Variants in CDC42BPB observed in about 807,000 individuals in gnomAD.
The protein encoded by CDC42BPB is CDC42 binding protein kinase beta.
CDC42BPB carries 37 observed loss-of-function variants against 214.9 expected under a neutral mutation model. The observed-to-expected ratio is 0.17, with a 90% confidence interval of 0.13 to 0.23. The LOEUF is 0.23. Among genes scored for constraint, CDC42BPB ranks in the 10% least tolerant of loss-of-function variants. The pLI is 1.00. For missense variants in CDC42BPB, 1,694 were observed against 2,227.0 expected (o/e 0.76, Z 4.82); for synonymous variants, 931 against 884.0 (o/e 1.05, Z -0.94).
rs144313805 is a variant in CDC42BPB, at chr14:102,974,050, C to T, written c.1607G>A (p.Arg536His). Residue 536 changes from arginine (R) to histidine (H), a missense_variant, in exon 12 of 37, where the codon CGC becomes CAC. Physicochemically the swap from Arg to His is conservative, Grantham distance 29 (BLOSUM62 0). Around this residue, in one of 7 missense-constraint regions of CDC42BPB, gnomAD observed 462 missense variants for 513.5 expected, o/e 0.90. Coordinates refer to ENST00000361246, the MANE Select transcript of CDC42BPB (RefSeq NM_006035.4). ...CTCCTCCTTCTCCTGCCGGACCACGCGGTGCTGCTTCTCCAGCCCCCGCAG... is the reference window on the plus strand; with the variant it reads ...CTCCTCCTTCTCCTGCCGGACCACGTGGTGCTGCTTCTCCAGCCCCCGCAG... ...QRLRGLEKQH[R>H]VVRQEKEELH... 31 of 1,612,956 alleles carry T rather than the reference C, an allele frequency of 1.9e-5. No homozygotes were observed. The highest frequency in any genetic ancestry group is 5.0e-5 in the Admixed American group (3 of 59,640).
intron 12 of CDC42BPB, among the ~76,000 whole-genome samples, chr14:102,973,741 T>C (rs913238077): frequency 6.6e-6 from 1 of 152,062 alleles, no homozygotes; most frequent in Non-Finnish European, 1.5e-5. Context: ...AAGTGGAGAC[T>C]GGAGAGGCTG....
intron 5 of CDC42BPB, among the ~76,000 whole-genome samples, chr14:102,988,010 C>G (rs556523564): frequency 2.6e-5 from 4 of 151,986 alleles, no homozygotes; most frequent in Non-Finnish European, 5.9e-5. Context: ...CAAACACACA[C>G]GCACGCACTA....
chr14:102,946,973 T>C, intron 27 of CDC42BPB: 2 of 468,930 alleles, frequency 4.3e-6, no homozygotes, highest in Non-Finnish European at 5.6e-6. Context: ...ATCTGCTTTC[T>C]TGAATAATCA....
rs143856378 is a variant in CDC42BPB, at chr14:103,009,238, G to A, written c.268-683C>T. Among the ~76,000 whole-genome samples the A allele has an allele frequency of 1.5e-3, 231 of 152,326 alleles. 1 individual carries two copies. The highest frequency in any genetic ancestry group is 6.8e-3 in the Middle Eastern group (2 of 294). Reference sequence around the variant, plus strand: ...TGGCCTGAAGAGGTCTTAAATGGCAGTATCATCTACCTGCCTGTTTCTAAC... The same window carrying A: ...TGGCCTGAAGAGGTCTTAAATGGCAATATCATCTACCTGCCTGTTTCTAAC... On this transcript the variant is annotated intron_variant, in intron 2 of 36. Transcript: ENST00000361246.
At chr14:102,988,855 AAAC>A (rs1195844423) in intron 5 of CDC42BPB, among the ~76,000 whole-genome samples, 1 of 146,946 alleles carries the variant, frequency 6.8e-6, no homozygotes, top group Admixed American at 6.9e-5. Flanking sequence ...AAACAAAACA[AAAC>A]AACCCCCCCT....
chr14:103,053,749 G>C (rs938209437), intron 1 of CDC42BPB, among the ~76,000 whole-genome samples: 3 of 148,268 alleles, frequency 2.0e-5, no homozygotes, highest in Non-Finnish European at 4.5e-5. Context: ...GCGACAGAGT[G>C]AGACTCCGTC....
At chr14:103,008,603 G>A (rs1161319660) in intron 2 of CDC42BPB, 48 bp from the exon 3 acceptor site, 1 of 1,592,044 alleles carries the variant, frequency 6.3e-7, no homozygotes, top group East Asian at 2.2e-5. Flanking sequence ...TTGAACAAAA[G>A]GCTAGCACGC....
chr14:102,946,458 T>C lies in CDC42BPB; in HGVS notation c.3748+10A>G. The stretch of plus-strand genomic sequence containing the variant: ...TCAGACACCTGAAGGACACAACCTT[T>C]GGGACGTACCCACGATGGCAGCTGT... On this transcript the variant is annotated intron_variant, in intron 28 of 36. Transcript: ENST00000361246. 2 of 1,612,432 alleles carry C rather than the reference T, an allele frequency of 1.2e-6. No homozygotes were observed. Among genetic ancestry groups the C allele is most frequent in the South Asian group, 1.1e-5 (1 of 91,050 alleles).
chr14:102,935,066 G>A (rs1258780878), intron 36 of CDC42BPB, among the ~76,000 whole-genome samples: 1 of 151,898 alleles, frequency 6.6e-6, no homozygotes, highest in African/African-American at 2.4e-5. Flanking sequence ...AGGCAAGGAT[G>A]CCTGCTTTCA....
rs574224636 is a variant in CDC42BPB, at chr14:103,047,042, C to G, written c.175+9957G>C. On this transcript the variant is annotated intron_variant, in intron 1 of 36. Coordinates refer to ENST00000361246, the MANE Select transcript of CDC42BPB (RefSeq NM_006035.4). ...GCTCATGCCTATAATCCCAAGCACTCTGGGAGGCCAAGGCGGGTGGATCAC... is the reference window on the plus strand; with the variant it reads ...GCTCATGCCTATAATCCCAAGCACTGTGGGAGGCCAAGGCGGGTGGATCAC... Among the ~76,000 whole-genome samples, 5 of 151,560 alleles carry G rather than the reference C, an allele frequency of 3.3e-5. No individual in the cohort carries two copies. In the East Asian group the frequency reaches 1.0e-3, roughly 30 times the overall value.
In CDC42BPB at chr14:102,980,878, T is replaced by C; in HGVS notation, c.1035A>G (p.Leu345=). The change falls in exon 8 of 37, where the codon CTA becomes CTG. Residue 345 remains leucine (L), a synonymous_variant. Coordinates refer to ENST00000361246, the MANE Select transcript of CDC42BPB (RefSeq NM_006035.4). ...DFKKHAFFEG[L]NWENIRNLEA... is the part of the protein sequence containing the mutation. ...CTAGGTTTCGTATATTTTCCCAATT[T>C]AGACCTTCAAAAAACGCATGCTTTT... is the stretch of plus-strand genomic sequence containing the variant. 1 of 1,614,228 alleles carries C rather than the reference T, an allele frequency of 6.2e-7. No individual in the cohort carries two copies. Among genetic ancestry groups the C allele is most frequent in the South Asian group, 1.1e-5 (1 of 91,084 alleles).
chr14:103,011,569 ACCT>A (rs1886161607), intron 2 of CDC42BPB, among the ~76,000 whole-genome samples: 1 of 151,864 alleles, frequency 6.6e-6, no homozygotes, highest in Non-Finnish European at 1.5e-5. Flanking sequence ...ACATGGCAAA[ACCT>A]CATCTCTACA....
At chr14:102,973,913 T>G in intron 12 of CDC42BPB, 103 bp downstream of exon 12, 1 of 1,389,392 alleles carries the variant, frequency 7.2e-7, no homozygotes, top group South Asian at 1.5e-5. Context: ...GGACAGCCCA[T>G]GGGCAGGAGT....
At chr14:102,985,574 A>G (rs930279980) in intron 6 of CDC42BPB, among the ~76,000 whole-genome samples, 4 of 152,194 alleles carry the variant, frequency 2.6e-5, no homozygotes, top group Non-Finnish European at 5.9e-5. Context: ...AAAACAAGAG[A>G]CTGGCTTTGT....
Position 102,964,487 on chromosome 14 carries a change from C to T in CDC42BPB, c.2726+15G>A, listed in dbSNP as rs1203478590. On this transcript the variant is annotated intron_variant, in intron 19 of 36. Transcript: ENST00000361246. ...CCACTGCTCCTACCTGGAGTCAGAC[C>T]CTGGCACCAAGTACCTTTCCAAGGT... is the stretch of plus-strand genomic sequence containing the variant. 1 of 1,612,676 alleles carries T rather than the reference C, an allele frequency of 6.2e-7. No individual in the cohort carries two copies. Among genetic ancestry groups the T allele is most frequent in the Admixed American group, 1.7e-5 (1 of 59,962 alleles).
chr14:102,966,178 T>C, intron 18 of CDC42BPB, 104 bp downstream of exon 18: 1 of 814,304 alleles, frequency 1.2e-6, no homozygotes, highest in Non-Finnish European at 2.0e-6. Flanking sequence ...AGAAGTCTCT[T>C]GCATCACTGT....
intron 5 of CDC42BPB, among the ~76,000 whole-genome samples, chr14:102,996,103 GCCGAGGCGGGCGGA>G (rs1212307659): frequency 1.3e-5 from 2 of 152,256 alleles, no homozygotes; most frequent in Non-Finnish European, 2.9e-5. Flanking sequence ...ACTTTGGGAG[GCCGAGGCGGGCGGA>G]TCACGAGGTC....
Position 102,987,787 on chromosome 14 carries a change from A to AC in CDC42BPB, c.597-1208_597-1207insG, listed in dbSNP as rs1491240757. ...ACAAAACAAAATCCCACAAACACAC[A>AC]AACACACACACACACACACACACAC... On this transcript the variant is annotated intron_variant, in intron 5 of 36. Transcript: ENST00000361246. Among the ~76,000 whole-genome samples, 1,045 of 116,040 alleles carry AC rather than the reference A, an allele frequency of 9.0e-3. 14 individuals are homozygous for AC. Among genetic ancestry groups the AC allele is most frequent in the African/African-American group, 0.033 (936 of 28,578 alleles). The allele number at this position is 116,040 out of a possible 152,430, so 76.1% of individuals were successfully genotyped here. A position where few individuals can be genotyped will look rare whatever the true frequency, so the allele number is the denominator to read the frequency against.
In CDC42BPB at chr14:102,938,335, T is replaced by C. The variant is rs562948212; in HGVS notation, c.4904A>G (p.Asn1635Ser). 14 of 1,605,674 alleles carry C rather than the reference T, an allele frequency of 8.7e-6. No homozygotes were observed. The African/African-American group carries it at 1.5e-4, about 17-fold the overall frequency. The change falls in exon 35 of 37, where the codon AAC becomes AGC. Residue 1635 changes from asparagine to serine, a missense_variant. Asn to Ser is a conservative substitution (Grantham distance 46). Around this residue, in one of 7 missense-constraint regions of CDC42BPB, gnomAD observed 146 missense variants for 134.1 expected, o/e 1.09. Coordinates refer to ENST00000361246, the MANE Select transcript of CDC42BPB (RefSeq NM_006035.4). ...TGAGGGCCACGAGATGTAGGGCTTG[T>C]TCCTGGATGGAGGCTGGCGAGCCAG... ...TNLARQPPSR[N>S]KPYISWPSSG...
Sources: gnomAD v4.1 joint callset for allele counts (sites outside exome capture counted in the v4.1 genomes callset) on GRCh38, gnomAD v4.1.1 for gene constraint, gnomAD v4.1.1 regional missense constraint, MANE v1.5 for transcripts, NCBI Gene and HGNC (gene_info 2026-07-23, HGNC 2026-07-21) for gene names.